Variants in WIPI1 observed in about 807,000 individuals in gnomAD.
The protein encoded by WIPI1 is WD repeat domain phosphoinositide-interacting protein 1.
Under a neutral mutation model 55.3 loss-of-function variants are expected in WIPI1, and 45 were observed. The ratio of observed to expected loss-of-function variants is 0.81; its 90% CI spans 0.64 to 1.04. The LOEUF (loss-of-function observed/expected upper bound fraction) is 1.04. Ranked by LOEUF, WIPI1 falls within the 50% of genes least tolerant of loss-of-function variation. WIPI1 has a pLI of 0.00. For missense variants in WIPI1, 445 were observed against 559.0 expected (o/e 0.80, Z 2.06); for synonymous variants, 195 against 217.6 (o/e 0.90, Z 0.92).
chr17:68,435,123 C>A (rs895967824), intron 6 of WIPI1, among the ~76,000 whole-genome samples: 1 of 151,462 alleles, frequency 6.6e-6, no homozygotes, highest in African/African-American at 2.4e-5. Flanking sequence ...AGGAGAATCA[C>A]TTAAACCTGG....
chr17:68,433,493 A>G lies in WIPI1; in HGVS notation c.775T>C (p.Phe259Leu). 1 of 1,614,052 alleles carries G rather than the reference A, an allele frequency of 6.2e-7. No homozygotes were observed. Among genetic ancestry groups the G allele is most frequent in the Non-Finnish European group, 8.5e-7 (1 of 1,180,004 alleles). ...CTGTTGGTGACCTGTTCCAGCTTGA[A>G]GATGTGTACCGTCTCGGTGTTACTG... Reference protein sequence around the residue: ...ASSNTETVHIFKLEQVTNSRP... With the variant: ...ASSNTETVHILKLEQVTNSRP... The change falls in exon 8 of 13, where the codon TTC becomes CTC. Residue 259 changes from phenylalanine (F) to leucine (L), a missense_variant. Physicochemically the swap from Phe to Leu is conservative, Grantham distance 22. Coordinates refer to ENST00000262139, the MANE Select transcript of WIPI1 (RefSeq NM_017983.7).
chr17:68,442,082 T>C (rs1040300938), intron 4 of WIPI1, among the ~76,000 whole-genome samples: 2 of 152,246 alleles, frequency 1.3e-5, no homozygotes, highest in African/African-American at 4.8e-5. Flanking sequence ...CTTTTAAACC[T>C]TATTTTCTCT....
chr17:68,435,469 G>A, intron 6 of WIPI1, 151 bp downstream of exon 6: 7 of 747,878 alleles, frequency 9.4e-6, no homozygotes, highest in Non-Finnish European at 1.2e-5. Flanking sequence ...CACACATGCA[G>A]AGGCCAGAAA....
Position 68,430,087 on chromosome 17 carries a change from T to A in WIPI1, c.874A>T (p.Thr292Ser). The change falls in exon 9 of 13, where the codon ACC becomes TCC. Residue 292 changes from threonine (T) to serine (S), a missense_variant. Thr to Ser is a moderately conservative substitution (Grantham distance 58). Transcript: ENST00000262139. ...TGATGCATCATGTCTGACACCTGGG[T>A]AGGGAGGTAGTTGGTAGCAGCCATA... ...MFMAATNYLP[T>S]QVSDMMHQDR... 6.2e-7 allele frequency: 1 copy of A among 1,614,084 alleles called. No homozygotes were observed. Among genetic ancestry groups the A allele is most frequent in the Middle Eastern group, 1.6e-4 (1 of 6,062 alleles).
intron 3 of WIPI1, among the ~76,000 whole-genome samples, chr17:68,450,124 A>G (rs1361339868): frequency 6.6e-6 from 1 of 152,132 alleles, no homozygotes; most frequent in Non-Finnish European, 1.5e-5. Flanking sequence ...CATATTGCCT[A>G]TTTGAGATCA....
chr17:68,440,426 G>A (rs2084026770), intron 4 of WIPI1, among the ~76,000 whole-genome samples: 2 of 152,104 alleles, frequency 1.3e-5, no homozygotes, highest in South Asian at 4.1e-4. Context: ...GGAAGGATAT[G>A]GGCTTTAAAA....
chr17:68,440,464 G>A (rs1479684975), intron 4 of WIPI1, among the ~76,000 whole-genome samples: 2 of 152,116 alleles, frequency 1.3e-5, no homozygotes, highest in African/African-American at 4.8e-5. Context: ...AAAAGTGATG[G>A]TGTAGAACAT....
intron 4 of WIPI1, among the ~76,000 whole-genome samples, chr17:68,442,969 C>T (rs921329812): frequency 6.6e-6 from 1 of 152,242 alleles, no homozygotes; most frequent in Non-Finnish European, 1.5e-5. Flanking sequence ...TTCAGCCTCT[C>T]ATTTCTAAGG....
intron 4 of WIPI1, among the ~76,000 whole-genome samples, chr17:68,437,014 A>ATGTGTGTG (rs1181984378): frequency 2.4e-4 from 20 of 82,144 alleles, no homozygotes; most frequent in African/African-American, 8.2e-4. Context: ...AAATATATAT[A>ATGTGTGTG]TATGTGTGTG....
At chr17:68,443,896 T>A (rs563859902) in intron 4 of WIPI1, among the ~76,000 whole-genome samples, 1 of 152,338 alleles carries the variant, frequency 6.6e-6, no homozygotes, top group South Asian at 2.1e-4. Flanking sequence ...CTTGATGAAT[T>A]CATATAATGT....
intron 8 of WIPI1, 76 bp downstream of exon 8, chr17:68,433,392 T>G: frequency 7.8e-7 from 1 of 1,277,450 alleles, no homozygotes; most frequent in East Asian, 2.3e-5. Context: ...AGAAAAGAGA[T>G]CATTCATGCC....
In WIPI1 at chr17:68,433,529, G is replaced by C. The variant is rs190448857; in HGVS notation, c.739C>G (p.Leu247Val). The C allele has an allele frequency of 1.2e-5, 20 of 1,613,896 alleles. No individual in the cohort carries two copies. The African/African-American group carries it at 1.7e-4, about 14-fold the overall frequency. The change falls in exon 8 of 13, where the codon CTC becomes GTC. Residue 247 changes from leucine (L) to valine (V), a missense_variant. Coordinates refer to ENST00000262139, the MANE Select transcript of WIPI1 (RefSeq NM_017983.7). ...GTCTCGGTGTTACTGGAGGCGCAGA[G>C]GAATTGTGAATCCATACTGAACACT... Reference protein sequence around the residue: ...SLVFSMDSQFLCASSNTETVH... With the variant: ...SLVFSMDSQFVCASSNTETVH...
intron 7 of WIPI1, among the ~76,000 whole-genome samples, chr17:68,434,203 G>A (rs889484041): frequency 2.0e-5 from 3 of 152,132 alleles, no homozygotes; most frequent in Non-Finnish European, 2.9e-5. Flanking sequence ...ACCTACATCC[G>A]ATAAGATCCC....
chr17:68,434,314 C>A (rs915298836), intron 7 of WIPI1, among the ~76,000 whole-genome samples: 2 of 152,140 alleles, frequency 1.3e-5, no homozygotes, highest in African/African-American at 4.8e-5. Context: ...CTGTGCCGGC[C>A]GCCCACACAC....
intron 12 of WIPI1, 65 bp downstream of exon 12, chr17:68,426,010 T>G: frequency 7.8e-7 from 1 of 1,285,252 alleles, no homozygotes; most frequent in South Asian, 1.2e-5. Flanking sequence ...GCCTCTCGTA[T>G]GAGGCGAAGG....
chr17:68,451,922 C>G (rs973850054), intron 2 of WIPI1, among the ~76,000 whole-genome samples: 2 of 152,164 alleles, frequency 1.3e-5, no homozygotes, highest in Admixed American at 1.3e-4. Flanking sequence ...GGAAAAGGCC[C>G]ACAGGGAACA....
chr17:68,428,743 G>A, intron 10 of WIPI1, 86 bp downstream of exon 10: 1 of 1,002,054 alleles, frequency 1.0e-6, no homozygotes, highest in Non-Finnish European at 1.5e-6. Context: ...CAATGCAAGG[G>A]CACTGAAGCT....
intron 4 of WIPI1, among the ~76,000 whole-genome samples, chr17:68,437,010 A>ATGTGTTTG (rs758693659): frequency 1.3e-5 from 1 of 77,910 alleles, no homozygotes; most frequent in Non-Finnish European, 2.7e-5. Context: ...AAAAAAATAT[A>ATGTGTTTG]TATATATGTG....
In WIPI1 at chr17:68,430,017, C is replaced by T; in HGVS notation, c.944G>A (p.Arg315Lys). ...ATARLNFSGQ[R>K]NICTLSTIQK... ...GTACGTTGAGAGGGTACAGATGTTCCTCTGTCCGGAGAAGTTCAAGCGTGC... is the reference window on the plus strand; with the variant it reads ...GTACGTTGAGAGGGTACAGATGTTCTTCTGTCCGGAGAAGTTCAAGCGTGC... The change falls in exon 9 of 13, where the codon AGG (arginine) becomes AAG (lysine). Residue 315 changes from arginine to lysine, a missense_variant. Arg to Lys is a conservative substitution (Grantham distance 26, BLOSUM62 2). Coordinates refer to ENST00000262139, the MANE Select transcript of WIPI1 (RefSeq NM_017983.7). 1 of 1,614,092 alleles carries T rather than the reference C, an allele frequency of 6.2e-7. No homozygotes were observed.
Sources: gnomAD v4.1 joint callset for allele counts (sites outside exome capture counted in the v4.1 genomes callset) on GRCh38, gnomAD v4.1.1 for gene constraint, MANE v1.5 for transcripts, NCBI Gene and HGNC (gene_info 2026-07-23, HGNC 2026-07-21) for gene names.